Variants in DIAPH3 observed in about 807,000 individuals in gnomAD.
DIAPH3 encodes the protein diaphanous related formin 3.
In DIAPH3, 117 loss-of-function variants were observed where a neutral mutation model predicts 144.3. That is an observed-to-expected ratio of 0.81 (90% CI 0.70 to 0.95). DIAPH3 has a LOEUF of 0.95. Among genes scored for constraint, DIAPH3 ranks in the 40% least tolerant of loss-of-function variants. The pLI is 0.00. For synonymous variants in DIAPH3, 519 were observed against 488.9 expected (o/e 1.06, Z -0.81); for missense variants, 1,421 against 1,412.7 (o/e 1.01, Z -0.09).
chr13:59,751,675 G>T (rs1478320816), intron 27 of DIAPH3, among the ~76,000 whole-genome samples: 1 of 152,190 alleles, frequency 6.6e-6, no homozygotes, highest in Non-Finnish European at 1.5e-5. Flanking sequence ...TTTTATATTA[G>T]GAGCTACAAT....
chr13:59,668,349 C>A (rs1388974495), intron 27 of DIAPH3, among the ~76,000 whole-genome samples: 2 of 152,200 alleles, frequency 1.3e-5, no homozygotes, highest in Non-Finnish European at 2.9e-5. Flanking sequence ...TGCTCCTTCC[C>A]CAAAATGTTC....
chr13:60,159,205 T>G (rs1397954229), intron 1 of DIAPH3, among the ~76,000 whole-genome samples: 1 of 152,176 alleles, frequency 6.6e-6, no homozygotes, highest in Non-Finnish European at 1.5e-5. Context: ...AAATCAATTC[T>G]ATATTCATAT....
At chr13:59,986,892 T>A (rs1296917977) in intron 12 of DIAPH3, among the ~76,000 whole-genome samples, 1 of 148,442 alleles carries the variant, frequency 6.7e-6, no homozygotes, top group African/African-American at 2.4e-5. Flanking sequence ...ATAAACTAGT[T>A]CAACCATTGT....
At position 60,067,482 on chromosome 13, in the gene DIAPH3, C is replaced by A. The variant is rs146590816; in HGVS notation, c.496-24662G>T. The stretch of plus-strand genomic sequence containing the variant: ...TGCCAGATACAGCCATGGATATATA[C>A]AGATAGCCGACCCCTTGCTAGGATG... On this transcript the variant is annotated intron_variant, in intron 4 of 27. Coordinates refer to ENST00000400324, the MANE Select transcript of DIAPH3 (RefSeq NM_001042517.2). Among the ~76,000 whole-genome samples the A allele has an allele frequency of 3.3e-5, 5 of 152,220 alleles. No homozygotes were observed. In the East Asian group the frequency reaches 9.7e-4, roughly 29 times the overall value.
chr13:59,681,247 G>C (rs1397182659), intron 27 of DIAPH3, among the ~76,000 whole-genome samples: 1 of 152,178 alleles, frequency 6.6e-6, no homozygotes, highest in Non-Finnish European at 1.5e-5. Context: ...GAGATGGTAG[G>C]ATTGCTTGAG....
chr13:60,154,395 G>A (rs1477765598), intron 1 of DIAPH3, among the ~76,000 whole-genome samples: 1 of 152,124 alleles, frequency 6.6e-6, no homozygotes, highest in South Asian at 2.1e-4. Context: ...AAGTGATATT[G>A]CTGGGATTCA....
intron 22 of DIAPH3, among the ~76,000 whole-genome samples, chr13:59,853,006 T>C (rs1021375698): frequency 1.6e-4 from 24 of 152,312 alleles, no homozygotes; most frequent in Middle Eastern, 3.4e-3. Context: ...TTTGTACATA[T>C]TAACCTATTT....
At chr13:60,137,456 T>C (rs2059313923) in intron 1 of DIAPH3, among the ~76,000 whole-genome samples, 1 of 152,288 alleles carries the variant, frequency 6.6e-6, no homozygotes. Context: ...TAAATTGTAG[T>C]ACACAAAGCA....
chr13:59,955,177 ATAAAACTATTAC>A (rs1047329576), intron 17 of DIAPH3, among the ~76,000 whole-genome samples: 7 of 151,824 alleles, frequency 4.6e-5, no homozygotes, highest in Non-Finnish European at 1.0e-4. Context: ...AAATTCTATT[ATAAAACTATTAC>A]TACTGATATG....
intron 21 of DIAPH3, among the ~76,000 whole-genome samples, chr13:59,877,495 A>G (rs1294983045): frequency 6.6e-6 from 1 of 152,128 alleles, no homozygotes; most frequent in Admixed American, 6.6e-5. Flanking sequence ...ATGGACACTG[A>G]GCACTTGGCA....
intron 25 of DIAPH3, among the ~76,000 whole-genome samples, chr13:59,780,393 G>C (rs1466041826): frequency 6.6e-6 from 1 of 152,120 alleles, no homozygotes; most frequent in Non-Finnish European, 1.5e-5. Context: ...ATGTTTAGAT[G>C]ATTTATATTT....
intron 2 of DIAPH3, among the ~76,000 whole-genome samples, chr13:60,129,854 C>G (rs1008616080): frequency 1.3e-5 from 2 of 152,186 alleles, no homozygotes; most frequent in Admixed American, 6.5e-5. Context: ...GCTACCCTTT[C>G]CCTTCTCACA....
At chr13:60,130,855 A>C (rs1337046228) in intron 2 of DIAPH3, among the ~76,000 whole-genome samples, 1 of 152,110 alleles carries the variant, frequency 6.6e-6, no homozygotes, top group Non-Finnish European at 1.5e-5. Context: ...ATAAAGGGAG[A>C]GGTGAGGAAT....
At chr13:59,678,593 C>T (rs184699255) in intron 27 of DIAPH3, among the ~76,000 whole-genome samples, 6 of 152,190 alleles carry the variant, frequency 3.9e-5, no homozygotes, top group African/African-American at 7.2e-5. Context: ...CAGCAAACAC[C>T]GTGAGCATGG....
intron 12 of DIAPH3, 46 bp from the exon 13 acceptor site, chr13:59,983,933 A>T (rs2051200308): frequency 7.7e-7 from 1 of 1,297,028 alleles, no homozygotes; most frequent in African/African-American, 1.5e-5. Context: ...AATTAGTGTA[A>T]CTTTACATCA....
chr13:59,879,084 T>A, intron 21 of DIAPH3, 145 bp downstream of exon 21: 6 of 1,141,128 alleles, frequency 5.3e-6, no homozygotes, highest in Non-Finnish European at 7.4e-6. Flanking sequence ...TTAGCTCAGT[T>A]CACTCTGGGT....
At chr13:59,797,362 A>G (rs2039667912) in intron 25 of DIAPH3, among the ~76,000 whole-genome samples, 1 of 152,214 alleles carries the variant, frequency 6.6e-6, no homozygotes, top group African/African-American at 2.4e-5. Flanking sequence ...GCGATAAATA[A>G]ATATTTGCTG....
chr13:59,879,205 G>C (rs1264936626), intron 21 of DIAPH3, 24 bp downstream of exon 21: 2 of 1,613,244 alleles, frequency 1.2e-6, no homozygotes, highest in African/African-American at 2.7e-5. Context: ...AGGCAAATAT[G>C]TGTTTTTAAA....
intron 23 of DIAPH3, 64 bp from the exon 24 acceptor site, chr13:59,833,335 G>C: frequency 7.6e-7 from 1 of 1,319,542 alleles, no homozygotes; most frequent in Non-Finnish European, 1.1e-6. Context: ...GGGGAACTCT[G>C]TAAATCCAAT....
Sources: gnomAD v4.1 joint callset for allele counts (sites outside exome capture counted in the v4.1 genomes callset) on GRCh38, gnomAD v4.1.1 for gene constraint, MANE v1.5 for transcripts, NCBI Gene and HGNC (gene_info 2026-07-23, HGNC 2026-07-21) for gene names.